Variants in FOXN3 observed in about 807,000 individuals in gnomAD.
The protein encoded by FOXN3 is forkhead box protein N3.
A neutral mutation model predicts 38.4 loss-of-function variants in FOXN3; 7 were observed. That is an observed-to-expected ratio of 0.18 (90% CI 0.10 to 0.34). The LOEUF is 0.34. Among genes scored for constraint, FOXN3 ranks in the 10% least tolerant of loss-of-function variants. The pLI is 1.00. For synonymous variants in FOXN3, 230 were observed against 242.2 expected (o/e 0.95, Z 0.47); for missense variants, 456 against 613.4 (o/e 0.74, Z 2.71).
At chr14:89,450,521 G>A (rs181854048) in intron 1 of FOXN3, among the ~76,000 whole-genome samples, 15 of 152,110 alleles carry the variant, frequency 9.9e-5, no homozygotes, top group African/African-American at 3.6e-4. Flanking sequence ...GCCAACGAGG[G>A]GCAGGAATAG....
At position 89,198,699 on chromosome 14, in the gene FOXN3, C is replaced by A. The variant is rs563097099; in HGVS notation, c.746-17893G>T. Among the ~76,000 whole-genome samples, 151 of 152,272 alleles carry A rather than the reference C, an allele frequency of 9.9e-4. 1 individual carries two copies. The highest frequency in any genetic ancestry group is 1.1e-3 in the Non-Finnish European group (72 of 68,022). ...GCTACTGGCATCTAATGGGCTGAGG[C>A]CAGGGAGGCTGCTCAACATTCTACA... On this transcript the variant is annotated intron_variant, in intron 4 of 5. Transcript: ENST00000557258.
intron 3 of FOXN3, among the ~76,000 whole-genome samples, chr14:89,324,425 GAAA>G (rs1887981530): frequency 6.8e-6 from 1 of 147,346 alleles, no homozygotes; most frequent in Non-Finnish European, 1.5e-5. Context: ...GATTTGGTTT[GAAA>G]CAGCTAAGTG....
intron 1 of FOXN3, among the ~76,000 whole-genome samples, chr14:89,583,053 A>C (rs890176275): frequency 6.6e-6 from 1 of 152,222 alleles, no homozygotes; most frequent in Non-Finnish European, 1.5e-5. Context: ...GTTATTGTAA[A>C]TAAAGCTGCT....
At chr14:89,246,608 C>T (rs1014940350) in intron 4 of FOXN3, among the ~76,000 whole-genome samples, 1 of 130,650 alleles carries the variant, frequency 7.7e-6, no homozygotes, top group Non-Finnish European at 1.5e-5. Flanking sequence ...GGCGTGGTCT[C>T]GGCTCACTGC....
rs140555122 is a variant in FOXN3 at position 89,552,035 on chromosome 14, C to T, written c.-15+66993G>A. On this transcript the variant is annotated intron_variant, in intron 1 of 6. Transcript: ENST00000345097. ...GCTGTTATCATGGTCTGATGATCTCCGGAAAATTAATTACTGAATTGGAGC... is the reference window on the plus strand; with the variant it reads ...GCTGTTATCATGGTCTGATGATCTCTGGAAAATTAATTACTGAATTGGAGC... Among the ~76,000 whole-genome samples the T allele has an allele frequency of 2.7e-3, 407 of 152,242 alleles. 3 individuals carry two copies. The highest frequency in any genetic ancestry group is 9.3e-3 in the African/African-American group (387 of 41,528).
chr14:89,169,439 C>T (rs1157217279), intron 5 of FOXN3, among the ~76,000 whole-genome samples: 2 of 151,622 alleles, frequency 1.3e-5, no homozygotes, highest in African/African-American at 4.9e-5. Context: ...GAGACCCTGT[C>T]TCAAAAAAGA....
At chr14:89,209,713 T>C (rs139099425) in intron 4 of FOXN3, among the ~76,000 whole-genome samples, 84 of 152,352 alleles carry the variant, frequency 5.5e-4, no homozygotes, top group African/African-American at 2.0e-3. Context: ...AAGAAAAGAA[T>C]AATTGCTTTA....
At chr14:89,271,949 CT>C (rs1397137966) in intron 4 of FOXN3, among the ~76,000 whole-genome samples, 1 of 152,200 alleles carries the variant, frequency 6.6e-6, no homozygotes, top group Non-Finnish European at 1.5e-5. Flanking sequence ...AGAACAATTG[CT>C]TCAGGCCTTG....
At chr14:89,536,440 G>T (rs1426607778) in intron 1 of FOXN3, among the ~76,000 whole-genome samples, 6 of 152,158 alleles carry the variant, frequency 3.9e-5, no homozygotes, top group Non-Finnish European at 7.3e-5. Flanking sequence ...AGAGGAATAG[G>T]TATTATTTGT....
intron 4 of FOXN3, among the ~76,000 whole-genome samples, chr14:89,185,310 G>T (rs1486048403): frequency 6.6e-6 from 1 of 152,152 alleles, no homozygotes; most frequent in African/African-American, 2.4e-5. Flanking sequence ...CAGGAACGTG[G>T]CTTCTGAAGA....
At chr14:89,369,633 G>T (rs1178753916) in intron 2 of FOXN3, among the ~76,000 whole-genome samples, 1 of 151,928 alleles carries the variant, frequency 6.6e-6, no homozygotes, top group Non-Finnish European at 1.5e-5. Context: ...AAGGCAAAAG[G>T]CATGTCTTAC....
At position 89,333,966 on chromosome 14, in the gene FOXN3, GTATATA is replaced by G. The variant is rs71130055; in HGVS notation, c.680+16700_680+16705del. On this transcript the variant is annotated intron_variant, in intron 3 of 5. Transcript: ENST00000557258. The stretch of plus-strand genomic sequence containing the variant: ...TAAATTAATGAAGAAAATGTGGTGT[GTATATA>G]TATATATATATATATATATATATAT... Among the ~76,000 whole-genome samples the G allele has an allele frequency of 4.6e-3, 608 of 131,362 alleles. 8 individuals carry two copies. The highest frequency in any genetic ancestry group is 0.011 in the East Asian group (47 of 4,420). 86.2% of individuals were successfully genotyped at this position (131,362 alleles called of 152,430 possible). A position where few individuals can be genotyped will look rare whatever the true frequency, so the allele number is the denominator to read the frequency against.
intron 4 of FOXN3, among the ~76,000 whole-genome samples, chr14:89,239,761 T>C (rs1885089545): frequency 6.6e-6 from 1 of 152,256 alleles, no homozygotes; most frequent in African/African-American, 2.4e-5. Flanking sequence ...AAGCTACCAA[T>C]TATTGAAAAC....
At chr14:89,522,026 A>G (rs562720574) in intron 1 of FOXN3, among the ~76,000 whole-genome samples, 45 of 151,874 alleles carry the variant, frequency 3.0e-4, no homozygotes, top group African/African-American at 1.0e-3. Flanking sequence ...TCTCAAAAAA[A>G]AAGAAAAAAG....
intron 1 of FOXN3, among the ~76,000 whole-genome samples, chr14:89,482,447 C>T (rs1893352527): frequency 6.6e-6 from 1 of 152,010 alleles, no homozygotes; most frequent in African/African-American, 2.4e-5. Flanking sequence ...ATAGCAAGAC[C>T]CTGACTCTAC....
At chr14:89,309,192 C>T (rs1887461622) in intron 3 of FOXN3, among the ~76,000 whole-genome samples, 2 of 152,220 alleles carry the variant, frequency 1.3e-5, no homozygotes, top group African/African-American at 4.8e-5. Context: ...TCCAGGGCCT[C>T]TCCTCCGTTA....
At chr14:89,435,358 C>A (rs11625536) in intron 1 of FOXN3, among the ~76,000 whole-genome samples, 84,560 of 148,904 alleles carry the variant, frequency 0.57, 24,254 homozygotes, top group Middle Eastern at 0.69. Flanking sequence ...GGTGACACAG[C>A]AAGACCCTGT....
chr14:89,222,641 A>C (rs1302282867), intron 4 of FOXN3, among the ~76,000 whole-genome samples: 1 of 152,110 alleles, frequency 6.6e-6, no homozygotes, highest in Non-Finnish European at 1.5e-5. Context: ...CCTGTTGGTC[A>C]CCGAAACATC....
chr14:89,198,984 C>T (rs894805078), intron 4 of FOXN3, among the ~76,000 whole-genome samples: 1 of 152,214 alleles, frequency 6.6e-6, no homozygotes, highest in Non-Finnish European at 1.5e-5. Context: ...ACATTTGTTG[C>T]TTTGAAATCA....
Sources: gnomAD v4.1 joint callset for allele counts (sites outside exome capture counted in the v4.1 genomes callset) on GRCh38, gnomAD v4.1.1 for gene constraint, MANE v1.5 for transcripts, NCBI Gene and HGNC (gene_info 2026-07-23, HGNC 2026-07-21) for gene names.